The following UBE2L6 variants were observed in gnomAD, a reference collection of about 807,000 sequenced individuals.
The protein encoded by UBE2L6 is ubiquitin conjugating enzyme E2 L6.
UBE2L6 carries 11 observed loss-of-function variants against 13.6 expected under a neutral mutation model. That is an observed-to-expected ratio of 0.81 (90% CI 0.51 to 1.34). The LOEUF (loss-of-function observed/expected upper bound fraction) is 1.34, where lower values mean the gene tolerates loss of function less well. Among genes scored for constraint, UBE2L6 ranks in the 40% most tolerant of loss-of-function variants. The pLI is 0.00. For synonymous variants in UBE2L6, 74 were observed against 83.2 expected (o/e 0.89, Z 0.60); for missense variants, 197 against 199.5 (o/e 0.99, Z 0.07).
At chr11:57,560,160 C>G (rs768763731) in intron 2 of UBE2L6, among the ~76,000 whole-genome samples, 177 bp downstream of exon 2, 5 of 152,182 alleles carry the variant, frequency 3.3e-5, no homozygotes, top group Non-Finnish European at 5.9e-5. Flanking sequence ...AGGTGAACCT[C>G]AGAAGTATCT....
intron 2 of UBE2L6, among the ~76,000 whole-genome samples, chr11:57,556,496 C>T (rs984928237): frequency 2.1e-5 from 3 of 145,678 alleles, no homozygotes; most frequent in South Asian, 2.2e-4. Context: ...AGGCAAGAAC[C>T]GAGAGGCAGA....
At chr11:57,552,593 C>T (rs1944968257) in intron 3 of UBE2L6, 84 bp from the exon 4 acceptor site, 2 of 1,525,824 alleles carry the variant, frequency 1.3e-6, no homozygotes, top group East Asian at 2.3e-5. Context: ...TGACACTCCA[C>T]ACTCACTCCT....
intron 1 of UBE2L6, among the ~76,000 whole-genome samples, chr11:57,563,383 G>T (rs962086925): frequency 1.3e-5 from 2 of 150,916 alleles, no homozygotes; most frequent in African/African-American, 4.9e-5. Context: ...CCAGCTACTT[G>T]GGAGGCTCAG....
At position 57,560,368 on chromosome 11, in the gene UBE2L6, T is replaced by C. The variant is rs756796851; in HGVS notation, c.92A>G (p.Asn31Ser). Reference sequence around the variant, plus strand: ...GAGGAGAGCGTGCCACACCAGGACATTGGCATCATCGCTGGACAGGTTCCG... The same window carrying C: ...GAGGAGAGCGTGCCACACCAGGACACTGGCATCATCGCTGGACAGGTTCCG... ...YLRNLSSDDA[N>S]VLVWHALLLP... Residue 31 changes from asparagine to serine, a missense_variant, in exon 2 of 4, where the codon AAT (asparagine) becomes AGT (serine). Asn to Ser is a conservative substitution (Grantham distance 46). Transcript: ENST00000287156. 1.3e-5 allele frequency: 21 copies of C among 1,613,838 alleles called. No individual in the cohort carries two copies. The Admixed American group carries it at 2.0e-4, about 15-fold the overall frequency.
At chr11:57,558,188 C>G (rs1285451348) in intron 2 of UBE2L6, among the ~76,000 whole-genome samples, 3 of 152,142 alleles carry the variant, frequency 2.0e-5, no homozygotes, top group African/African-American at 7.2e-5. Flanking sequence ...AAGTGATTCT[C>G]GTGCCTCAGC....
At chr11:57,566,943 G>GCCCGC in intron 1 of UBE2L6, 1 of 75,880 alleles carries the variant, frequency 1.3e-5, no homozygotes, top group Admixed American at 2.1e-4. Context: ...GTTCATCTCT[G>GCCCGC]CCCGCCCCCC....
chr11:57,552,567 C>A, intron 3 of UBE2L6, 58 bp from the exon 4 acceptor site: 1 of 1,602,378 alleles, frequency 6.2e-7, no homozygotes, highest in South Asian at 1.1e-5. Flanking sequence ...GTCATGGCTG[C>A]CCGTTCCCAA....
chr11:57,554,336 C>T, intron 3 of UBE2L6, 101 bp downstream of exon 3: 3 of 1,410,764 alleles, frequency 2.1e-6, no homozygotes, highest in Non-Finnish European at 2.9e-6. Flanking sequence ...ATTTTTATCT[C>T]CTCTCTTTGG....
intron 1 of UBE2L6, among the ~76,000 whole-genome samples, chr11:57,566,129 C>T (rs1170422828): frequency 6.6e-6 from 1 of 152,138 alleles, no homozygotes; most frequent in Non-Finnish European, 1.5e-5. Flanking sequence ...GAACAAAGCC[C>T]AGGGCTGACC....
intron 1 of UBE2L6, among the ~76,000 whole-genome samples, chr11:57,565,322 A>G (rs2135283210): frequency 6.6e-6 from 1 of 152,022 alleles, no homozygotes; most frequent in Non-Finnish European, 1.5e-5. Context: ...AGTAAGCGGA[A>G]AGACGAAGTT....
Position 57,554,565 on chromosome 11 carries a change from T to C in UBE2L6, c.182A>G (p.Tyr61Cys). The change falls in exon 3 of 4, where the codon TAT becomes TGT. Residue 61 changes from tyrosine to cysteine, a missense_variant. By Grantham distance (194) the Tyr-to-Cys change is radical. Transcript: ENST00000287156. ...FNLRISFPPE[Y>C]PFKPPMIKFT... is the part of the protein sequence containing the mutation. ...TTTGATCATGGGAGGCTTGAACGGATACTCCGGCGGGAAGCTGATGCGCAG... is the reference window on the plus strand; with the variant it reads ...TTTGATCATGGGAGGCTTGAACGGACACTCCGGCGGGAAGCTGATGCGCAG... 6.2e-7 allele frequency: 1 copy of C among 1,614,150 alleles called. No individual in the cohort carries two copies. Among genetic ancestry groups the C allele is most frequent in the Non-Finnish European group, 8.5e-7 (1 of 1,180,026 alleles).
chr11:57,566,139 C>G, intron 1 of UBE2L6, among the ~76,000 whole-genome samples: 1 of 152,264 alleles, frequency 6.6e-6, no homozygotes, highest in Non-Finnish European at 1.5e-5. Context: ...CAGGGCTGAC[C>G]GGAGAAGATC....
intron 1 of UBE2L6, among the ~76,000 whole-genome samples, chr11:57,564,433 C>G (rs938967025): frequency 1.3e-5 from 2 of 152,200 alleles, no homozygotes; most frequent in African/African-American, 4.8e-5. Flanking sequence ...ATACCATCGA[C>G]ACCAGACCTG....
intron 3 of UBE2L6, among the ~76,000 whole-genome samples, chr11:57,553,793 T>C (rs1007722317): frequency 6.6e-6 from 1 of 152,120 alleles, no homozygotes; most frequent in Non-Finnish European, 1.5e-5. Context: ...GCCACTGCAC[T>C]CCAGCCTAGG....
intron 1 of UBE2L6, among the ~76,000 whole-genome samples, chr11:57,561,007 A>C (rs975847604): frequency 6.6e-6 from 1 of 152,092 alleles, no homozygotes; most frequent in African/African-American, 2.4e-5. Context: ...AAAATAGATC[A>C]CTTCTCCCAG....
intron 1 of UBE2L6, among the ~76,000 whole-genome samples, chr11:57,565,032 C>T (rs1214310745): frequency 1.3e-5 from 2 of 152,076 alleles, no homozygotes; most frequent in African/African-American, 2.4e-5. Context: ...CACCTGAGGT[C>T]AGGAGTTCGA....
chr11:57,567,629 G>A lies in UBE2L6; in HGVS notation c.-18C>T. The A allele has an allele frequency of 1.2e-6, 2 of 1,605,296 alleles. No homozygotes were observed. Among genetic ancestry groups the A allele is most frequent in the Non-Finnish European group, 1.7e-6 (2 of 1,176,918 alleles). On this transcript the variant is annotated 5_prime_UTR_variant, in exon 1 of 4. Transcript: ENST00000287156. ...GCCATCATGTCGGGACCGAGTGTGT[G>A]GCACCCGTGGCCTCCAGCAGGACCG... is the stretch of plus-strand genomic sequence containing the variant.
At chr11:57,554,029 A>G (rs1287941620) in intron 3 of UBE2L6, among the ~76,000 whole-genome samples, 1 of 152,150 alleles carries the variant, frequency 6.6e-6, no homozygotes, top group Non-Finnish European at 1.5e-5. Flanking sequence ...TGTTTTTAGC[A>G]CAGTGCCGAA....
At chr11:57,561,704 G>T (rs1945048453) in intron 1 of UBE2L6, among the ~76,000 whole-genome samples, 1 of 152,186 alleles carries the variant, frequency 6.6e-6, no homozygotes, top group Non-Finnish European at 1.5e-5. Context: ...GGCTAAAGAG[G>T]TTTCTTCACT....
Sources: gnomAD v4.1 joint callset for allele counts (sites outside exome capture counted in the v4.1 genomes callset) on GRCh38, gnomAD v4.1.1 for gene constraint, MANE v1.5 for transcripts, NCBI Gene and HGNC (gene_info 2026-07-23, HGNC 2026-07-21) for gene names.